SFMBT1: variants seen among roughly 807,000 people sequenced by gnomAD.
The protein encoded by SFMBT1 is scm-like with four MBT domains protein 1.
In SFMBT1, 32 loss-of-function variants were observed where a neutral mutation model predicts 108.7. The observed-to-expected ratio is 0.29, with a 90% CI of 0.22 to 0.40. The LOEUF (loss-of-function observed/expected upper bound fraction) is 0.40. SFMBT1 is among the 10% of genes least tolerant of loss of function. The pLI is 1.00. For missense variants in SFMBT1, 816 were observed against 1,059.6 expected (o/e 0.77, Z 3.19); for synonymous variants, 348 against 369.5 (o/e 0.94, Z 0.67).
intron 1 of SFMBT1, chr3:53,043,330 T>C (rs538439469): frequency 1.3e-5 from 2 of 152,344 alleles, no homozygotes; most frequent in African/African-American, 4.8e-5. Context: ...ACATAATTTT[T>C]AGTTAACCTT....
intron 10 of SFMBT1, among the ~76,000 whole-genome samples, chr3:52,922,339 G>T (rs756441189): frequency 1.3e-5 from 2 of 150,306 alleles, no homozygotes; most frequent in African/African-American, 2.5e-5. Context: ...GTGGGAAAGG[G>T]TCATTTAAAA....
At chr3:52,981,182 G>A (rs529103129) in intron 1 of SFMBT1, among the ~76,000 whole-genome samples, 1 of 151,588 alleles carries the variant, frequency 6.6e-6, no homozygotes, top group African/African-American at 2.4e-5. Flanking sequence ...AAAAAAAAAG[G>A]TGAAGGATCT....
At chr3:52,910,460 A>G (rs560949985) in intron 17 of SFMBT1, among the ~76,000 whole-genome samples, 1 of 152,288 alleles carries the variant, frequency 6.6e-6, no homozygotes, top group African/African-American at 2.4e-5. Flanking sequence ...ATAGCCCCCA[A>G]GCCAAAAATT....
intron 17 of SFMBT1, among the ~76,000 whole-genome samples, chr3:52,910,731 C>T (rs1351362745): frequency 2.0e-5 from 3 of 152,136 alleles, no homozygotes; most frequent in African/African-American, 4.8e-5. Flanking sequence ...TCAAGTGATC[C>T]GCCTGCCTCG....
chr3:53,030,683 CAAAAAAAAA>C (rs10668462), intron 1 of SFMBT1, among the ~76,000 whole-genome samples: 3 of 82,756 alleles, frequency 3.6e-5, no homozygotes, highest in South Asian at 6.4e-4. Flanking sequence ...GGCCATAATG[CAAAAAAAAA>C]AAAAAAAAAA....
chr3:52,968,666 C>T (rs1035328613), intron 2 of SFMBT1, among the ~76,000 whole-genome samples: 6 of 148,758 alleles, frequency 4.0e-5, no homozygotes, highest in African/African-American at 1.5e-4. Context: ...GTGGCGCGAT[C>T]CTGGCTCACT....
Position 52,928,270 on chromosome 3 carries a change from A to T in SFMBT1, c.969T>A (p.Phe323Leu). The change falls in exon 9 of 21, where the codon TTT becomes TTA. Residue 323 changes from phenylalanine to leucine, a missense_variant. By Grantham distance (22) the Phe-to-Leu change is conservative. Transcript: ENST00000394752. ...TGCCAGGACTGTCGGCGTGGCACAC[A>T]AAGGATCGCCGTGCGTGGTTCTCAG... ...LRPENHARRS[F>L]VCHADSPGIF... The T allele has an allele frequency of 1.2e-6, 2 of 1,614,156 alleles. No homozygotes were observed. Among genetic ancestry groups the T allele is most frequent in the Non-Finnish European group, 1.7e-6 (2 of 1,180,012 alleles).
At chr3:52,949,564 CCTT>C (rs1703496233) in intron 3 of SFMBT1, among the ~76,000 whole-genome samples, 2 of 136,404 alleles carry the variant, frequency 1.5e-5, no homozygotes, top group Admixed American at 1.5e-4. Flanking sequence ...TATGTAATGT[CCTT>C]CTTTTTTTTT....
intron 14 of SFMBT1, among the ~76,000 whole-genome samples, chr3:52,915,116 A>G (rs781385435): frequency 3.3e-5 from 5 of 152,178 alleles, no homozygotes; most frequent in Non-Finnish European, 5.9e-5. Context: ...CAACTGCATC[A>G]TGGTTCAACT....
rs568660729 is a variant in SFMBT1, at chr3:53,006,149, T to C, written c.-130-36891A>G. On this transcript the variant is annotated intron_variant, in intron 1 of 20. Coordinates refer to ENST00000394752, the MANE Select transcript of SFMBT1 (RefSeq NM_016329.4). ...AACAAGAAAAGACTAGAAAGCTAGGTTGGAGTTAGCCTGGAGGCCTTATAT... is the reference window on the plus strand; with the variant it reads ...AACAAGAAAAGACTAGAAAGCTAGGCTGGAGTTAGCCTGGAGGCCTTATAT... Among the ~76,000 whole-genome samples, 188 of 152,236 alleles carry C rather than the reference T, an allele frequency of 1.2e-3. 1 individual carries two copies. Among genetic ancestry groups the C allele is most frequent in the African/African-American group, 4.1e-3 (169 of 41,546 alleles).
chr3:52,988,918 T>C (rs1705022623), intron 1 of SFMBT1, among the ~76,000 whole-genome samples: 2 of 152,208 alleles, frequency 1.3e-5, no homozygotes, highest in Non-Finnish European at 2.9e-5. Context: ...TTGGTTAGTA[T>C]TAGACCCTAG....
intron 1 of SFMBT1, among the ~76,000 whole-genome samples, chr3:52,994,728 G>A (rs1698259016): frequency 1.3e-5 from 2 of 150,030 alleles, no homozygotes; most frequent in South Asian, 4.2e-4. Context: ...TCAAACTCCC[G>A]ACCTCAGGTG....
At position 52,954,281 on chromosome 3, in the gene SFMBT1, T is replaced by C. The variant is rs1263109265; in HGVS notation, c.123+36A>G. The C allele has an allele frequency of 4.3e-6, 6 of 1,405,686 alleles. No individual in the cohort carries two copies. The South Asian group carries it at 4.8e-5, about 11-fold the overall frequency. 87.1% of individuals were successfully genotyped at this position (1,405,686 alleles called of 1,614,324 possible). A position where few individuals can be genotyped will look rare whatever the true frequency, so the allele number is the denominator to read the frequency against. On this transcript the variant is annotated intron_variant, in intron 3 of 20. Coordinates refer to ENST00000394752, the MANE Select transcript of SFMBT1 (RefSeq NM_016329.4). Reference sequence around the variant, plus strand: ...AATACAGAGATTCGAAATAAAGGGATATAACACCAGTAAGGCAAATATAGT... The same window carrying C: ...AATACAGAGATTCGAAATAAAGGGACATAACACCAGTAAGGCAAATATAGT...
chr3:53,012,563 C>T (rs1698988915), intron 1 of SFMBT1, among the ~76,000 whole-genome samples: 2 of 151,742 alleles, frequency 1.3e-5, no homozygotes, highest in African/African-American at 2.4e-5. Context: ...CCACCACGCC[C>T]GGCTAATTTT....
At chr3:53,041,865 T>C (rs1462467324) in intron 1 of SFMBT1, among the ~76,000 whole-genome samples, 2 of 152,126 alleles carry the variant, frequency 1.3e-5, no homozygotes, top group East Asian at 1.9e-4. Flanking sequence ...TTAATAACTA[T>C]GTATATACAG....
rs564994463 is a variant in SFMBT1, at chr3:52,961,453, G to A, written c.29-7042C>T. Among the ~76,000 whole-genome samples, 72 of 151,940 alleles carry A rather than the reference G, an allele frequency of 4.7e-4. 1 individual carries two copies. The highest frequency in any genetic ancestry group is 1.7e-3 in the African/African-American group (69 of 41,430). On this transcript the variant is annotated intron_variant, in intron 2 of 20. Coordinates refer to ENST00000394752, the MANE Select transcript of SFMBT1 (RefSeq NM_016329.4). ...TGTAATCCCAGCTACTCAGGGGGCT[G>A]AAGCAAGAGAACCGCTTGATCCCAG...
At chr3:53,012,058 A>G (rs1698962072) in intron 1 of SFMBT1, among the ~76,000 whole-genome samples, 1 of 152,378 alleles carries the variant, frequency 6.6e-6, no homozygotes, top group Non-Finnish European at 1.5e-5. Flanking sequence ...GCCACTTTGT[A>G]TAAATTAAAT....
intron 9 of SFMBT1, 45 bp downstream of exon 9, chr3:52,928,146 A>G: frequency 6.3e-7 from 1 of 1,587,240 alleles, no homozygotes; most frequent in Non-Finnish European, 8.6e-7. Context: ...TCTCATTTCA[A>G]GGAGAAGCTC....
intron 1 of SFMBT1, among the ~76,000 whole-genome samples, chr3:52,985,948 G>A (rs34561018): frequency 6.6e-6 from 1 of 152,052 alleles, no homozygotes; most frequent in African/African-American, 2.4e-5. Flanking sequence ...TTTGAGACCA[G>A]CCTGGCCAAC....
Sources: gnomAD v4.1 joint callset for allele counts (sites outside exome capture counted in the v4.1 genomes callset) on GRCh38, gnomAD v4.1.1 for gene constraint, MANE v1.5 for transcripts, NCBI Gene and HGNC (gene_info 2026-07-23, HGNC 2026-07-21) for gene names.